The following STEAP2 variants were observed in gnomAD, a reference collection of about 807,000 sequenced individuals.
STEAP2 encodes the protein STEAP2 metalloreductase, also known as metalloreductase STEAP2.
A neutral mutation model predicts 46.4 loss-of-function variants in STEAP2; 30 were observed. That is an observed-to-expected ratio of 0.65 (90% CI 0.48 to 0.88). The LOEUF (loss-of-function observed/expected upper bound fraction) is 0.88. Among genes scored for constraint, STEAP2 ranks in the 40% least tolerant of loss-of-function variants. STEAP2 has a pLI of 0.00. For missense variants in STEAP2, 513 were observed against 579.3 expected (o/e 0.89, Z 1.18); for synonymous variants, 180 against 200.5 (o/e 0.90, Z 0.86).
intron 2 of STEAP2, among the ~76,000 whole-genome samples, chr7:90,218,665 G>A (rs927299809): frequency 5.9e-5 from 9 of 151,732 alleles, no homozygotes; most frequent in South Asian, 2.1e-4. Context: ...ATGTTTTTTC[G>A]GTTACTATTG....
chr7:90,234,125 G>C lies in STEAP2; in HGVS notation c.*1501G>C. The C allele has an allele frequency of 1.0e-6, 1 of 985,348 alleles. No homozygotes were observed. Among genetic ancestry groups the C allele is most frequent in the Non-Finnish European group, 1.2e-6 (1 of 829,918 alleles). 61.0% of individuals were successfully genotyped at this position (985,348 alleles called of 1,614,324 possible). A position where few individuals can be genotyped will look rare whatever the true frequency, so the allele number is the denominator to read the frequency against. Reference sequence around the variant, plus strand: ...CCTGCCTGCATAACCATTCATTAGGGAGTACTTTACAAGCATGAAGGATAT... The same window carrying C: ...CCTGCCTGCATAACCATTCATTAGGCAGTACTTTACAAGCATGAAGGATAT... On this transcript the variant is annotated 3_prime_UTR_variant, in exon 6 of 6. Transcript: ENST00000394621.
At chr7:90,240,941 A>G (rs557700463), downstream of STEAP2, among the ~76,000 whole-genome samples, 1 of 152,300 alleles carries the variant, frequency 6.6e-6, no homozygotes, top group East Asian at 1.9e-4. This position sits in a 1 kb window ranked among gnomAD's most constrained non-coding sequence, Gnocchi z 4.1. Context: ...TTTGTGTCAT[A>G]ACAGAAGAAT....
Position 90,227,099 on chromosome 7 carries a change from A to C in STEAP2, c.621A>C (p.Arg207=). 3 of 1,613,228 alleles carry C rather than the reference A, an allele frequency of 1.9e-6. No homozygotes were observed. The highest frequency in any genetic ancestry group is 2.5e-6 in the Non-Finnish European group (3 of 1,179,756). ...SAREIENLPL[R]LFTLWRGPVV... ...GAGAGATTGAAAATTTACCCCTACG[A>C]CTCTTTACTCTCTGGAGAGGGCCAG... Residue 207 remains arginine, a synonymous_variant, in exon 4 of 6, where the codon CGA becomes CGC. Transcript: ENST00000394621.
intron 2 of STEAP2, among the ~76,000 whole-genome samples, chr7:90,216,861 C>G (rs1421253612): frequency 6.6e-6 from 1 of 152,074 alleles, no homozygotes; most frequent in East Asian, 1.9e-4. Flanking sequence ...GGGGGGTGAC[C>G]CGTCATCACT....
chr7:90,218,145 C>A (rs1795106201), intron 2 of STEAP2, among the ~76,000 whole-genome samples: 1 of 151,912 alleles, frequency 6.6e-6, no homozygotes. Flanking sequence ...TGTTTGAGTT[C>A]CTTGTATATT....
chr7:90,219,851 C>T (rs112667857), intron 2 of STEAP2, among the ~76,000 whole-genome samples: 47 of 152,210 alleles, frequency 3.1e-4, no homozygotes, highest in Middle Eastern at 3.4e-3. Context: ...CCTCAGCTCC[C>T]GAGTACTAGG....
rs1795837261 is a variant in STEAP2, at chr7:90,233,389, A to C, written c.*765A>C. The C allele has an allele frequency of 1.0e-6, 1 of 985,092 alleles. No homozygotes were observed. The highest frequency in any genetic ancestry group is 4.7e-5 in the South Asian group (1 of 21,290). The allele number at this position is 985,092 out of a possible 1,614,324, so 61.0% of individuals were successfully genotyped here. A position where few individuals can be genotyped will look rare whatever the true frequency, so the allele number is the denominator to read the frequency against. On this transcript the variant is annotated 3_prime_UTR_variant, in exon 6 of 6. Coordinates refer to ENST00000394621, the MANE Select transcript of STEAP2 (RefSeq NM_001244944.2). The stretch of plus-strand genomic sequence containing the variant: ...TTTGGCTTCCAAAACTGCTATCTCT[A>C]ATACGGTACCAATCCTAGGAACTGT...
chr7:90,212,435 T>A (rs1794853313), intron 1 of STEAP2: 1 of 152,310 alleles, frequency 6.6e-6, no homozygotes, highest in Non-Finnish European at 1.5e-5. Context: ...TCATGGAAGA[T>A]CATGCAGTGC....
chr7:90,227,345 G>T lies in STEAP2; in HGVS notation c.867G>T (p.Arg289Ser). ...AYQLYYGTKY[R>S]RFPPWLETWL... The stretch of plus-strand genomic sequence containing the variant: ...AACTTTATTACGGCACCAAGTATAG[G>T]AGATTTCCACCTTGGTTGGAAACCT... Residue 289 changes from arginine (R) to serine (S), a missense_variant, in exon 4 of 6, where the codon AGG becomes AGT. Physicochemically the swap from Arg to Ser is moderately radical, Grantham distance 110. Transcript: ENST00000394621. 1 of 1,613,846 alleles carries T rather than the reference G, an allele frequency of 6.2e-7. No homozygotes were observed. Among genetic ancestry groups the T allele is most frequent in the Non-Finnish European group, 8.5e-7 (1 of 1,179,832 alleles).
At position 90,233,786 on chromosome 7, in the gene STEAP2, T is replaced by A; in HGVS notation, c.*1162T>A. ...CTCTAGAGCTCCCGCCGCGCCCCTA[T>A]GCATTATGTTCACAATGCCAATCTA... is the stretch of plus-strand genomic sequence containing the variant. On this transcript the variant is annotated 3_prime_UTR_variant, in exon 6 of 6. Transcript: ENST00000394621. 2 of 985,434 alleles carry A rather than the reference T, an allele frequency of 2.0e-6. No homozygotes were observed. Among genetic ancestry groups the A allele is most frequent in the Non-Finnish European group, 2.4e-6 (2 of 829,940 alleles). 61.0% of individuals were successfully genotyped at this position (985,434 alleles called of 1,614,324 possible).
intron 2 of STEAP2, among the ~76,000 whole-genome samples, chr7:90,223,477 T>C (rs529137961): frequency 6.6e-6 from 1 of 152,318 alleles, no homozygotes; most frequent in Non-Finnish European, 1.5e-5. Flanking sequence ...TTACAGACAA[T>C]AGTGGCTTAG....
chr7:90,241,711 G>A (rs957762943), downstream of STEAP2, among the ~76,000 whole-genome samples: 1 of 152,150 alleles, frequency 6.6e-6, no homozygotes, highest in African/African-American at 2.4e-5. Context: ...AGTATGCTGA[G>A]GGTCTGGGGT....
rs945829391 is a variant in STEAP2, at chr7:90,236,196, A to T, written c.*3572A>T. ...AAATTCTGTACAGTTTCCCCCCAAA[A>T]AAGAGATTTATTTATGAAATATTTA... On this transcript the variant is annotated 3_prime_UTR_variant, in exon 6 of 6. Transcript: ENST00000394621. The T allele has an allele frequency of 5.1e-6, 4 of 781,032 alleles. No homozygotes were observed. The highest frequency in any genetic ancestry group is 1.9e-5 in the African/African-American group (1 of 52,854). 48.4% of individuals were successfully genotyped at this position (781,032 alleles called of 1,614,324 possible).
chr7:90,212,088 G>C (rs998178950), intron 1 of STEAP2, 43 bp downstream of exon 1: 1 of 152,574 alleles, frequency 6.6e-6, no homozygotes, highest in Non-Finnish European at 1.5e-5. Flanking sequence ...TAGCGGCGGC[G>C]GAGTTGAGGG....
At position 90,211,976 on chromosome 7, in the gene STEAP2, A is replaced by C. The variant is rs1217742369; in HGVS notation, c.-216A>C. 6.6e-6 allele frequency: 1 copy of C among 152,266 alleles called. No homozygotes were observed. The highest frequency in any genetic ancestry group is 2.4e-5 in the African/African-American group (1 of 41,440). 9.4% of individuals were successfully genotyped at this position (152,266 alleles called of 1,614,324 possible). ...CTGGCCCCCGGGTGGGCCCTTGGGG[A>C]GTCGGCGCCGCTCCCGGGGAGCTGC... On this transcript the variant is annotated 5_prime_UTR_variant, in exon 1 of 6. Transcript: ENST00000394621.
Position 90,236,272 on chromosome 7 carries a change from A to T in STEAP2, c.*3648A>T. 1.1e-6 allele frequency: 1 copy of T among 933,328 alleles called. No homozygotes were observed. The highest frequency in any genetic ancestry group is 1.3e-6 in the Non-Finnish European group (1 of 782,684). 57.8% of individuals were successfully genotyped at this position (933,328 alleles called of 1,614,324 possible). On this transcript the variant is annotated 3_prime_UTR_variant, in exon 6 of 6. Transcript: ENST00000394621. Reference sequence around the variant, plus strand: ...AAAGTATCATAAATGTAATAAGTAAATATTTATTTAGGAATACTGTGAACA... The same window carrying T: ...AAAGTATCATAAATGTAATAAGTAATTATTTATTTAGGAATACTGTGAACA...
chr7:90,227,962 C>G (rs1795570353), intron 4 of STEAP2, among the ~76,000 whole-genome samples: 1 of 152,172 alleles, frequency 6.6e-6, no homozygotes, highest in Admixed American at 6.5e-5. Context: ...AGTGTCTCCA[C>G]AGCTTCTCTT....
rs747176434 is a variant in STEAP2 at position 90,236,894 on chromosome 7, T to G, written c.*4270T>G. The G allele has an allele frequency of 2.5e-4, 409 of 1,613,952 alleles. 1 individual carries two copies. The highest frequency in any genetic ancestry group is 3.0e-4 in the Non-Finnish European group (356 of 1,179,998). ...TCTCTTGAAATTGTCTTTAAAGATC[T>G]TTTGCAGCTTTGCAGATACCCAGAC... is the stretch of plus-strand genomic sequence containing the variant. On this transcript the variant is annotated 3_prime_UTR_variant, in exon 6 of 6. Transcript: ENST00000394621.
chr7:90,218,393 G>GT (rs1304663951), intron 2 of STEAP2, among the ~76,000 whole-genome samples: 2 of 152,096 alleles, frequency 1.3e-5, no homozygotes, highest in Non-Finnish European at 2.9e-5. Context: ...GAAATGAGGG[G>GT]TTTTGGGTCT....
Sources: allele counts gnomAD v4.1 joint callset (sites outside exome capture counted in the v4.1 genomes callset), GRCh38; gene constraint gnomAD v4.1.1; non-coding constraint Gnocchi (gnomAD v3.1); transcripts MANE v1.5; gene names NCBI Gene and HGNC (gene_info 2026-07-23, HGNC 2026-07-21).